ERBB4: variants seen among roughly 807,000 people sequenced by gnomAD.
ERBB4 encodes the protein receptor tyrosine-protein kinase erbB-4.
A neutral mutation model predicts 158.0 loss-of-function variants in ERBB4; 42 were observed. That is an observed-to-expected ratio of 0.27 (90% CI 0.21 to 0.34). The LOEUF (loss-of-function observed/expected upper bound fraction) is 0.34, where lower values mean the gene tolerates loss of function less well. ERBB4 is among the 10% of genes least tolerant of loss of function. The pLI, the probability that ERBB4 is intolerant of heterozygous loss-of-function variation, is 1.00. For synonymous variants in ERBB4, 583 were observed against 558.7 expected (o/e 1.04, Z -0.61); for missense variants, 1,333 against 1,624.1 (o/e 0.82, Z 3.08).
chr2:211,877,442 T>A (rs1160302863), intron 3 of ERBB4, among the ~76,000 whole-genome samples: 1 of 152,238 alleles, frequency 6.6e-6, no homozygotes, highest in African/African-American at 2.4e-5. Context: ...TAATATAAAT[T>A]GATTTACTTT....
intron 1 of ERBB4, among the ~76,000 whole-genome samples, chr2:212,501,741 C>A (rs902120133): frequency 2.0e-5 from 3 of 152,064 alleles, no homozygotes; most frequent in Non-Finnish European, 4.4e-5. Flanking sequence ...CTTCACAGAA[C>A]CTGACATAAA....
chr2:211,379,341 G>T lies in ERBB4; in HGVS notation c.*4274C>A. On this transcript the variant is annotated 3_prime_UTR_variant, in exon 28 of 28. Coordinates refer to ENST00000342788, the MANE Select transcript of ERBB4 (RefSeq NM_005235.3). ...GTTTGCCTATTAAATTCTGCAAGGT[G>T]GTGTTTATTTAAAAAAATAAATAAA... 1 of 226,692 alleles carries T rather than the reference G, an allele frequency of 4.4e-6. No homozygotes were observed. Among genetic ancestry groups the T allele is most frequent in the East Asian group, 6.4e-5 (1 of 15,734 alleles). 14.0% of individuals were successfully genotyped at this position (226,692 alleles called of 1,614,324 possible).
At chr2:212,454,793 G>A (rs1343545730) in intron 1 of ERBB4, among the ~76,000 whole-genome samples, 1 of 152,012 alleles carries the variant, frequency 6.6e-6, no homozygotes, top group Non-Finnish European at 1.5e-5. Flanking sequence ...TTTCACTCTA[G>A]GTCTGTTTCC....
chr2:212,243,857 A>G (rs2084209097), intron 1 of ERBB4, among the ~76,000 whole-genome samples: 1 of 152,170 alleles, frequency 6.6e-6, no homozygotes, highest in African/African-American at 2.4e-5. Flanking sequence ...AGTAATTTGG[A>G]TCTAATAAAC....
intron 4 of ERBB4, among the ~76,000 whole-genome samples, chr2:211,784,437 C>CT (rs1456735114): frequency 1.3e-5 from 2 of 152,074 alleles, no homozygotes; most frequent in African/African-American, 4.8e-5. Flanking sequence ...GATCTCCTTC[C>CT]TTTTTCAAGC....
Position 211,439,615 on chromosome 2 carries a change from C to T in ERBB4, c.2488-8515G>A, listed in dbSNP as rs568082670. Among the ~76,000 whole-genome samples the T allele has an allele frequency of 2.6e-4, 40 of 152,208 alleles. 1 individual carries two copies. Among genetic ancestry groups the T allele is most frequent in the Middle Eastern group, 6.8e-3 (2 of 294 alleles). ...AAATCTTAGTTCTGATAAGTTTTGT[C>T]GTGCACTAGGTATCACCTTTGGACA... is the stretch of plus-strand genomic sequence containing the variant. On this transcript the variant is annotated intron_variant, in intron 20 of 27. Transcript: ENST00000342788.
intron 9 of ERBB4, among the ~76,000 whole-genome samples, chr2:211,710,762 T>G (rs1442101317): frequency 6.6e-6 from 1 of 152,066 alleles, no homozygotes; most frequent in African/African-American, 2.4e-5. Flanking sequence ...CAGGGGAGTT[T>G]CCCTACACAA....
Position 211,997,243 on chromosome 2 carries a change from T to C in ERBB4, c.235-49627A>G, listed in dbSNP as rs934464631. On this transcript the variant is annotated intron_variant, in intron 2 of 27. Transcript: ENST00000342788. ...TCCTTTTCAAACCTTCCAGAATTCA[T>C]AGGAAGCATCAGGAACGTGGATTCA... Among the ~76,000 whole-genome samples the C allele has an allele frequency of 2.6e-5, 4 of 152,266 alleles. 1 individual carries two copies. Among genetic ancestry groups the C allele is most frequent in the South Asian group, 4.1e-4 (2 of 4,828 alleles).
At chr2:212,210,916 C>T (rs1414638078) in intron 1 of ERBB4, among the ~76,000 whole-genome samples, 1 of 151,936 alleles carries the variant, frequency 6.6e-6, no homozygotes, top group Non-Finnish European at 1.5e-5. Flanking sequence ...TCTCACTTGG[C>T]ATCTCTCTCT....
chr2:211,752,472 C>G (rs1311098363), intron 4 of ERBB4, among the ~76,000 whole-genome samples: 1 of 139,896 alleles, frequency 7.1e-6, no homozygotes, highest in East Asian at 2.0e-4. Flanking sequence ...TTCTTTGTGG[C>G]CAGAATACTA....
chr2:211,492,583 G>A (rs4233983), intron 20 of ERBB4, among the ~76,000 whole-genome samples: 53,404 of 151,634 alleles, frequency 0.35, 10,342 homozygotes, highest in African/African-American at 0.51. Flanking sequence ...AAATAATGAT[G>A]GGCAAAATAA....
intron 19 of ERBB4, among the ~76,000 whole-genome samples, chr2:211,575,394 T>C (rs1285903589): frequency 6.6e-6 from 1 of 152,236 alleles, no homozygotes; most frequent in Non-Finnish European, 1.5e-5. Context: ...GAACTAAGAC[T>C]ACTCATGTCT....
intron 1 of ERBB4, among the ~76,000 whole-genome samples, chr2:212,380,140 A>G (rs1323302808): frequency 6.6e-6 from 1 of 151,324 alleles, no homozygotes; most frequent in East Asian, 1.9e-4. Flanking sequence ...ACATCTACAT[A>G]CACACAGTTG....
At chr2:212,286,403 T>G (rs2085962668) in intron 1 of ERBB4, among the ~76,000 whole-genome samples, 1 of 151,984 alleles carries the variant, frequency 6.6e-6, no homozygotes, top group Non-Finnish European at 1.5e-5. Flanking sequence ...GTACTACCCA[T>G]AACATTTATA....
chr2:212,247,767 C>T (rs1020775502), intron 1 of ERBB4, among the ~76,000 whole-genome samples: 2 of 152,122 alleles, frequency 1.3e-5, no homozygotes, highest in African/African-American at 4.8e-5. Flanking sequence ...AGTTTGAGAC[C>T]TGCCTGGGCA....
chr2:211,942,090 T>C (rs2080514972), intron 3 of ERBB4, among the ~76,000 whole-genome samples: 2 of 152,114 alleles, frequency 1.3e-5, no homozygotes, highest in South Asian at 2.1e-4. Flanking sequence ...CTCTATGACA[T>C]ATATTGAGTC....
At chr2:212,140,608 A>G (rs2080430125) in intron 1 of ERBB4, among the ~76,000 whole-genome samples, 1 of 151,102 alleles carries the variant, frequency 6.6e-6, no homozygotes, top group African/African-American at 2.4e-5. Flanking sequence ...TGCTAACCAA[A>G]TTACTATCAA....
intron 22 of ERBB4, 42 bp downstream of exon 22, chr2:211,428,366 T>G (rs1023568411): frequency 5.5e-6 from 6 of 1,089,212 alleles, no homozygotes; most frequent in Non-Finnish European, 8.5e-6. Context: ...ACATATGTAT[T>G]TTTGCTTTAC....
chr2:211,436,620 C>A (rs1011306900), intron 20 of ERBB4, among the ~76,000 whole-genome samples: 3 of 152,166 alleles, frequency 2.0e-5, no homozygotes, highest in Admixed American at 6.5e-5. Context: ...CTAGAATGCA[C>A]AAGAATTACT....
Sources: allele counts gnomAD v4.1 joint callset (sites outside exome capture counted in the v4.1 genomes callset), GRCh38; gene constraint gnomAD v4.1.1; transcripts MANE v1.5; gene names NCBI Gene and HGNC (gene_info 2026-07-23, HGNC 2026-07-21).